Variants in SPHK2 observed in about 807,000 individuals in gnomAD.
SPHK2 encodes sphingosine kinase 2.
SPHK2 carries 18 observed loss-of-function variants against 32.3 expected under a neutral mutation model. That is an observed-to-expected ratio of 0.56 (90% CI 0.39 to 0.83). SPHK2 has a LOEUF of 0.83. Ranked by LOEUF, SPHK2 falls within the 40% of genes least tolerant of loss-of-function variation. SPHK2 has a pLI of 0.00. For synonymous variants in SPHK2, 462 were observed against 417.6 expected, an observed-to-expected ratio of 1.11 and a Z score of -1.30; for missense variants, 850 against 908.7, an observed-to-expected ratio of 0.94 and a Z score of 0.83.
In SPHK2 at chr19:48,629,131, G is replaced by C. The variant is rs142981695; in HGVS notation, c.1323G>C (p.Leu441=). The change falls in exon 7 of 7, where the codon CTG becomes CTC. Residue 441 remains leucine (L), a synonymous_variant. Transcript: ENST00000245222. ...CCTCTCCTGGCTCGCCAGAACCCCT[G>C]CCCATCCTGTCCCTCAACGGTGGGG... is the stretch of plus-strand genomic sequence containing the variant. ...ALASPGSPEP[L]PILSLNGGGP... is the part of the protein sequence containing the mutation. 451 of 1,613,438 alleles carry C rather than the reference G, an allele frequency of 2.8e-4. No homozygotes were observed. The highest frequency in any genetic ancestry group is 3.6e-4 in the Non-Finnish European group (419 of 1,179,878).
At position 48,629,759 on chromosome 19, in the gene SPHK2, G is replaced by C; in HGVS notation, c.1951G>C (p.Gly651Arg). The change falls in exon 7 of 7, where the codon GGG (glycine) becomes CGG (arginine). Residue 651 changes from glycine to arginine, a missense_variant. Transcript: ENST00000245222. ...GCTCACTGGGCCTCCTGGCTGCCCG[G>C]GGCGGGAGCCCTGAAACTAAACAAG... ...TLLTGPPGCP[G>R]REP 2 of 1,574,324 alleles carry C rather than the reference G, an allele frequency of 1.3e-6. No individual in the cohort carries two copies. The highest frequency in any genetic ancestry group is 1.7e-6 in the Non-Finnish European group (2 of 1,157,254).
chr19:48,627,925 A>T, intron 4 of SPHK2, 50 bp from the exon 5 acceptor site: 1 of 1,567,230 alleles, frequency 6.4e-7, no homozygotes, highest in East Asian at 2.3e-5. Context: ...TCCTGGGTCT[A>T]TGGGGCTGGG....
At chr19:48,619,923 A>C (rs1416825556) in intron 1 of SPHK2, 1 of 153,592 alleles carries the variant, frequency 6.5e-6, no homozygotes, top group African/African-American at 2.4e-5. Context: ...ATGGAGACCC[A>C]GGGAGAAGTA....
Position 48,627,852 on chromosome 19 carries a change from G to T in SPHK2, c.661+11G>T, listed in dbSNP as rs1241181102. 6.2e-7 allele frequency: 1 copy of T among 1,605,526 alleles called. No homozygotes were observed. The highest frequency in any genetic ancestry group is 1.7e-5 in the Admixed American group (1 of 59,054). On this transcript the variant is annotated intron_variant, in intron 4 of 6. Coordinates refer to ENST00000245222, the MANE Select transcript of SPHK2 (RefSeq NM_020126.5). Reference sequence around the variant, plus strand: ...ACCTCATCCAGACAGGTAAGGGCCAGTGAGAATGGGAGCTGGGGGCTGGGA... The same window carrying T: ...ACCTCATCCAGACAGGTAAGGGCCATTGAGAATGGGAGCTGGGGGCTGGGA...
Position 48,629,943 on chromosome 19 carries a change from T to C in SPHK2, c.*170T>C. ...CAGACGTGATGCTGGAAGGTGGGCG[T>C]CGTCACGGTTAAAGAGAAATGGGCT... On this transcript the variant is annotated 3_prime_UTR_variant, in exon 7 of 7. Transcript: ENST00000245222. 2 of 1,415,166 alleles carry C rather than the reference T, an allele frequency of 1.4e-6. No homozygotes were observed. Among genetic ancestry groups the C allele is most frequent in the African/African-American group, 2.9e-5 (2 of 69,528 alleles). The allele number at this position is 1,415,166 out of a possible 1,614,324, so 87.7% of individuals were successfully genotyped here. A position where few individuals can be genotyped will look rare whatever the true frequency, so the allele number is the denominator to read the frequency against.
At chr19:48,620,101 G>A (rs1253624317) in intron 1 of SPHK2, among the ~76,000 whole-genome samples, 1 of 139,512 alleles carries the variant, frequency 7.2e-6, no homozygotes, top group Non-Finnish European at 1.5e-5. Context: ...GACAAAAAGG[G>A]GATGACAACA....
In SPHK2 at chr19:48,628,874, G is replaced by T. The variant is rs1350293285; in HGVS notation, c.1066G>T (p.Ala356Ser). The T allele has an allele frequency of 1.2e-6, 2 of 1,613,666 alleles. No individual in the cohort carries two copies. Among genetic ancestry groups the T allele is most frequent in the Non-Finnish European group, 1.7e-6 (2 of 1,180,014 alleles). The change falls in exon 7 of 7, where the codon GCC (alanine) becomes TCC (serine). Residue 356 changes from alanine to serine, a missense_variant. This residue lies in a region of SPHK2 where 544 missense variants were observed against 640.0 expected (regional missense o/e 0.85). Coordinates refer to ENST00000245222, the MANE Select transcript of SPHK2 (RefSeq NM_020126.5). The surrounding 1 kb of genome is among the most constrained non-coding windows in gnomAD (Gnocchi z 5.2). ...CGAGCGCTTCAGGGCCTTGGGCAGT[G>T]CCCGCTTCACACTGGGCACGGTGCT... ...QSERFRALGS[A>S]RFTLGTVLGL...
intron 3 of SPHK2, 43 bp downstream of exon 3, chr19:48,626,405 G>A (rs2029902217): frequency 6.7e-7 from 1 of 1,501,032 alleles, no homozygotes; most frequent in African/African-American, 1.4e-5. Context: ...CCACCTTGGT[G>A]TCTCTGCAGA....
At chr19:48,620,617 TTA>T in intron 2 of SPHK2, 64 bp downstream of exon 2, 2 of 1,283,794 alleles carry the variant, frequency 1.6e-6, no homozygotes, top group Non-Finnish European at 1.1e-6. Flanking sequence ...AAGCTTTTCT[TTA>T]AAAAAAAAAA....
intron 2 of SPHK2, 65 bp downstream of exon 2, chr19:48,620,618 T>TAAAAA: frequency 4.3e-5 from 44 of 1,026,030 alleles, no homozygotes; most frequent in Middle Eastern, 2.5e-4. Context: ...AGCTTTTCTT[T>TAAAAA]AAAAAAAAAA....
chr19:48,629,261 C>T lies in SPHK2; in HGVS notation c.1453C>T (p.Pro485Ser), dbSNP rs775688064. 3 of 1,613,690 alleles carry T rather than the reference C, an allele frequency of 1.9e-6. No homozygotes were observed. Among genetic ancestry groups the T allele is most frequent in the Non-Finnish European group, 2.5e-6 (3 of 1,179,982 alleles). The part of the protein sequence containing the change: ...PGSPKAALHS[P>S]VSEGAPVIPP... ...CTCTCCCAAGGCAGCTCTACACTCA[C>T]CCGTCTCCGAAGGGGCCCCCGTAAT... Residue 485 changes from proline (P) to serine (S), a missense_variant, in exon 7 of 7, where the codon CCC (proline) becomes TCC (serine). Physicochemically the swap from Pro to Ser is moderately conservative, Grantham distance 74. Transcript: ENST00000245222.
At position 48,629,298 on chromosome 19, in the gene SPHK2, C is replaced by T. The variant is rs1315911887; in HGVS notation, c.1490C>T (p.Ser497Phe). 1 of 1,613,516 alleles carries T rather than the reference C, an allele frequency of 6.2e-7. No individual in the cohort carries two copies. Among genetic ancestry groups the T allele is most frequent in the East Asian group, 2.2e-5 (1 of 44,870 alleles). ...GGGGCCCCCGTAATTCCCCCATCCT[C>T]TGGGCTCCCACTTCCCACCCCTGAT... ...SEGAPVIPPS[S>F]GLPLPTPDAR... Residue 497 changes from serine (S) to phenylalanine (F), a missense_variant, in exon 7 of 7, where the codon TCT becomes TTT. By Grantham distance (155) the Ser-to-Phe change is radical. Coordinates refer to ENST00000245222, the MANE Select transcript of SPHK2 (RefSeq NM_020126.5).
In SPHK2 at chr19:48,628,930, A is replaced by G. The variant is rs759362947; in HGVS notation, c.1122A>G (p.Gly374=). The change falls in exon 7 of 7, where the codon GGA becomes GGG. Residue 374 remains glycine (G), a synonymous_variant. Coordinates refer to ENST00000245222, the MANE Select transcript of SPHK2 (RefSeq NM_020126.5). This position sits in a 1 kb window ranked among gnomAD's most constrained non-coding sequence, Gnocchi z 5.2. ...LGLATLHTYR[G]RLSYLPATVE... ...TCGCCACACTGCACACCTACCGCGG[A>G]CGCCTCTCCTACCTCCCCGCCACTG... 3 of 1,612,892 alleles carry G rather than the reference A, an allele frequency of 1.9e-6. No homozygotes were observed. Among genetic ancestry groups the G allele is most frequent in the Non-Finnish European group, 2.5e-6 (3 of 1,179,900 alleles).
At position 48,629,455 on chromosome 19, in the gene SPHK2, A is replaced by AGGC; in HGVS notation, c.1649_1651dup (p.Gly550dup). 6.2e-7 allele frequency: 1 copy of AGGC among 1,608,866 alleles called. No homozygotes were observed. Among genetic ancestry groups the AGGC allele is most frequent in the Non-Finnish European group, 8.5e-7 (1 of 1,178,608 alleles). The stretch of plus-strand genomic sequence containing the variant: ...TGTTGGCCATCTCGCCCAGCCACCT[A>AGGC]GGCGCTGACCTGGTGGCAGCTCCGC... On this transcript the variant is annotated inframe_insertion, in exon 7 of 7. Coordinates refer to ENST00000245222, the MANE Select transcript of SPHK2 (RefSeq NM_020126.5).
At chr19:48,621,993 C>A (rs1183603653) in intron 2 of SPHK2, among the ~76,000 whole-genome samples, 1 of 152,008 alleles carries the variant, frequency 6.6e-6, no homozygotes, top group Non-Finnish European at 1.5e-5. Context: ...CAGTGGCTCA[C>A]GCCTGTAATC....
At position 48,627,765 on chromosome 19, in the gene SPHK2, G is replaced by T. The variant is rs768910973; in HGVS notation, c.585G>T (p.Leu195=). ...TCAATCCCTTTGGGGGTCGGGGCCT[G>T]GCCTGGCAGTGGTGTAAGAACCACG... is the stretch of plus-strand genomic sequence containing the variant. The part of the protein sequence containing the change: ...LLVNPFGGRG[L]AWQWCKNHVL... The change falls in exon 4 of 7, where the codon CTG becomes CTT. Residue 195 remains leucine (L), a synonymous_variant. Coordinates refer to ENST00000245222, the MANE Select transcript of SPHK2 (RefSeq NM_020126.5). 3.1e-6 allele frequency: 5 copies of T among 1,613,826 alleles called. No individual in the cohort carries two copies. The highest frequency in any genetic ancestry group is 4.2e-6 in the Non-Finnish European group (5 of 1,179,932).
At chr19:48,622,757 CTTTTTTTTTTTT>C (rs779108312) in intron 2 of SPHK2, among the ~76,000 whole-genome samples, 3 of 108,546 alleles carry the variant, frequency 2.8e-5, no homozygotes, top group African/African-American at 9.9e-5. Flanking sequence ...ATTTGTCTCT[CTTTTTTTTTTTT>C]TTTTTTTTTT....
chr19:48,624,951 T>C (rs939745057), intron 2 of SPHK2: 2 of 985,942 alleles, frequency 2.0e-6, no homozygotes, highest in Non-Finnish European at 2.4e-6. Flanking sequence ...GGCGGGGCAG[T>C]GGGGAACAAA....
Position 48,622,276 on chromosome 19 carries a change from A to AT in SPHK2, c.39+1723_39+1724insT, listed in dbSNP as rs1340100877. ...TCCGTCTCAAAAAAAAAAAAAATAAAAAAAAATAAAGGACTCAATCTCTTT... is the reference window on the plus strand; with the variant it reads ...TCCGTCTCAAAAAAAAAAAAAATAAATAAAAAATAAAGGACTCAATCTCTTT... On this transcript the variant is annotated intron_variant, in intron 2 of 6. Coordinates refer to ENST00000245222, the MANE Select transcript of SPHK2 (RefSeq NM_020126.5). Among the ~76,000 whole-genome samples, 100 of 143,298 alleles carry AT rather than the reference A, an allele frequency of 7.0e-4. 1 individual carries two copies. The highest frequency in any genetic ancestry group is 2.4e-3 in the African/African-American group (92 of 39,048). 94.0% of individuals were successfully genotyped at this position (143,298 alleles called of 152,430 possible). A position where few individuals can be genotyped will look rare whatever the true frequency, so the allele number is the denominator to read the frequency against.
Sources: allele counts gnomAD v4.1 joint callset (sites outside exome capture counted in the v4.1 genomes callset), GRCh38; gene constraint gnomAD v4.1.1; regional missense constraint gnomAD v4.1.1; non-coding constraint Gnocchi (gnomAD v3.1); transcripts MANE v1.5; gene names NCBI Gene and HGNC (gene_info 2026-07-23, HGNC 2026-07-21).